Variants in SDC3 observed in about 807,000 individuals in gnomAD.
The protein encoded by SDC3 is syndecan 3.
In SDC3, 13 loss-of-function variants were observed where a neutral mutation model predicts 24.4. The observed-to-expected ratio is 0.53, with a 90% CI of 0.35 to 0.85. The LOEUF (loss-of-function observed/expected upper bound fraction) is 0.85, where lower values mean the gene tolerates loss of function less well. Ranked by LOEUF, SDC3 falls within the 40% of genes least tolerant of loss-of-function variation. The probability of loss-of-function intolerance (pLI) is 0.01; values close to 1 mark genes in which losing one functional copy is unlikely to be tolerated. For missense variants in SDC3, 571 were observed against 584.5 expected (o/e 0.98, Z 0.24); for synonymous variants, 295 against 260.9 (o/e 1.13, Z -1.26).
intron 1 of SDC3, among the ~76,000 whole-genome samples, chr1:30,892,235 G>A (rs560926802): frequency 1.7e-4 from 26 of 152,166 alleles, no homozygotes; most frequent in East Asian, 5.8e-4. Flanking sequence ...TCACCTGAAC[G>A]TGGCTTCCCT....
At chr1:30,873,754 G>C (rs1368903717) in intron 4 of SDC3, among the ~76,000 whole-genome samples, 1 of 152,144 alleles carries the variant, frequency 6.6e-6, no homozygotes, top group Non-Finnish European at 1.5e-5. Flanking sequence ...CATGTGAACA[G>C]ATGTGCCTCT....
chr1:30,891,613 C>G (rs971455132), intron 1 of SDC3, among the ~76,000 whole-genome samples: 1 of 152,130 alleles, frequency 6.6e-6, no homozygotes, highest in Admixed American at 6.5e-5. Context: ...AGCAGTGGCT[C>G]ACACCTGTAA....
At chr1:30,903,875 T>TGTGACTTACTCAAAGTCACACA (rs1225851575) in intron 1 of SDC3, among the ~76,000 whole-genome samples, 7 of 152,136 alleles carry the variant, frequency 4.6e-5, no homozygotes, top group Non-Finnish European at 1.0e-4. Context: ...CTTCTGGCTG[T>TGTGACTTACTCAAAGTCACACA]GTGACTTTGA....
At position 30,878,612 on chromosome 1, in the gene SDC3, G is replaced by C. The variant is rs184949255; in HGVS notation, c.256+11C>G. On this transcript the variant is annotated intron_variant, in intron 2 of 4. Transcript: ENST00000339394. ...CTGCCCCCAGGCAGAGGTAGGGAGG[G>C]GGGTACTTACAGCCCGAGCCCGACC... The C allele has an allele frequency of 1.2e-3, 1,995 of 1,603,196 alleles. 22 individuals are homozygous for C. In the African/African-American group the frequency reaches 0.023, roughly 18 times the overall value.
Position 30,907,856 on chromosome 1 carries a change from C to T in SDC3, c.138+593G>A, listed in dbSNP as rs12070724. Among the ~76,000 whole-genome samples, 637 of 152,326 alleles carry T rather than the reference C, an allele frequency of 4.2e-3. 4 individuals carry two copies. The highest frequency in any genetic ancestry group is 0.015 in the African/African-American group (612 of 41,582). On this transcript the variant is annotated intron_variant, in intron 1 of 4. Transcript: ENST00000339394. ...CCCTTCCCGGGCCCACTGCCCTGGC[C>T]GGCTGCCGCGACCCTGGGAAGAACC...
At chr1:30,887,981 C>T (rs1319454836) in intron 1 of SDC3, among the ~76,000 whole-genome samples, 1 of 152,254 alleles carries the variant, frequency 6.6e-6, no homozygotes, top group Non-Finnish European at 1.5e-5. Context: ...GAGAAACAGA[C>T]ACTGATCCCA....
Position 30,878,701 on chromosome 1 carries a change from C to T in SDC3, c.178G>A (p.Asp60Asn). The T allele has an allele frequency of 1.2e-6, 2 of 1,614,206 alleles. No homozygotes were observed. Among genetic ancestry groups the T allele is most frequent in the Non-Finnish European group, 8.5e-7 (1 of 1,180,008 alleles). The change falls in exon 2 of 5, where the codon GAC becomes AAC. Residue 60 changes from aspartate (D) to asparagine (N), a missense_variant. By Grantham distance (23) the Asp-to-Asn change is conservative. Coordinates refer to ENST00000339394, the MANE Select transcript of SDC3 (RefSeq NM_014654.4). ...TCATCATCCCCAGAGCCCTCCAGGT[C>T]CACGGGTCTCTCGAAGTTCTCACTG... ...WRSENFERPV[D>N]LEGSGDDDSF...
Position 30,873,001 on chromosome 1 carries a change from G to A in SDC3, c.*210C>T, listed in dbSNP as rs74331654. On this transcript the variant is annotated 3_prime_UTR_variant, in exon 5 of 5. Transcript: ENST00000339394. ...GATGAGGGGAACAAGAGATGAGCTC[G>A]TAAGGGCACAGTCTGGGGCAGATGG... 9.5e-4 allele frequency: 543 copies of A among 571,410 alleles called. 2 individuals carry two copies. Among genetic ancestry groups the A allele is most frequent in the African/African-American group, 9.1e-3 (486 of 53,512 alleles). The allele number at this position is 571,410 out of a possible 1,614,324, so 35.4% of individuals were successfully genotyped here.
chr1:30,878,925 T>G lies in SDC3; in HGVS notation c.139-185A>C. 3 of 566,770 alleles carry G rather than the reference T, an allele frequency of 5.3e-6. No homozygotes were observed. In the South Asian group the frequency reaches 6.9e-5, roughly 13 times the overall value. The allele number at this position is 566,770 out of a possible 1,614,324, so 35.1% of individuals were successfully genotyped here. On this transcript the variant is annotated intron_variant, in intron 1 of 4. Transcript: ENST00000339394. ...CAGGGCAGGGGTGGGGTGTGGCAAGTCACCTGGGGTCCCATCCCAGAAGGC... is the reference window on the plus strand; with the variant it reads ...CAGGGCAGGGGTGGGGTGTGGCAAGGCACCTGGGGTCCCATCCCAGAAGGC...
rs535405952 is a variant in SDC3 at position 30,899,067 on chromosome 1, C to T, written c.138+9382G>A. Among the ~76,000 whole-genome samples, 144 of 152,186 alleles carry T rather than the reference C, an allele frequency of 9.5e-4. 1 individual carries two copies. The highest frequency in any genetic ancestry group is 1.6e-3 in the Non-Finnish European group (108 of 68,028). On this transcript the variant is annotated intron_variant, in intron 1 of 4. Transcript: ENST00000339394. ...TAAGGCTGAGTCAAGAGTCACTTAG[C>T]CAAATCCACCCACTTCTTCGTTTCG...
chr1:30,894,679 TGTGA>T (rs1413284880), intron 1 of SDC3, among the ~76,000 whole-genome samples: 1 of 48,862 alleles, frequency 2.0e-5, no homozygotes. Flanking sequence ...TGTGGATGAC[TGTGA>T]GTGTGTGGGT....
At chr1:30,873,441 C>T in intron 4 of SDC3, 64 bp from the exon 5 acceptor site, 2 of 1,295,686 alleles carry the variant, frequency 1.5e-6, no homozygotes, top group Non-Finnish European at 2.2e-6. Context: ...AAAGGGTCCT[C>T]AGGGGTGGGG....
intron 1 of SDC3, among the ~76,000 whole-genome samples, chr1:30,907,857 G>A (rs1429438705): frequency 1.3e-5 from 2 of 152,130 alleles, no homozygotes; most frequent in Non-Finnish European, 2.9e-5. Context: ...TGCCCTGGCC[G>A]GCTGCCGCGA....
At chr1:30,902,474 A>T (rs1638435966) in intron 1 of SDC3, among the ~76,000 whole-genome samples, 1 of 152,186 alleles carries the variant, frequency 6.6e-6, no homozygotes, top group African/African-American at 2.4e-5. Context: ...TGCCATCAAC[A>T]AATATTTACC....
chr1:30,892,453 A>G (rs1222862256), intron 1 of SDC3, among the ~76,000 whole-genome samples: 1 of 152,062 alleles, frequency 6.6e-6, no homozygotes, highest in Non-Finnish European at 1.5e-5. Flanking sequence ...GAATGAATGA[A>G]TGAATGAATG....
At chr1:30,905,549 A>G (rs955760485) in intron 1 of SDC3, among the ~76,000 whole-genome samples, 3 of 151,870 alleles carry the variant, frequency 2.0e-5, no homozygotes, top group Non-Finnish European at 4.4e-5. Context: ...CATTGTCTCC[A>G]TTTTAAAGAG....
chr1:30,890,903 G>A (rs1639895142), intron 1 of SDC3, among the ~76,000 whole-genome samples: 1 of 152,216 alleles, frequency 6.6e-6, no homozygotes, highest in South Asian at 2.1e-4. Flanking sequence ...CAGACCACAA[G>A]TGGGAGGCCC....
At chr1:30,877,202 T>C in intron 2 of SDC3, 37 bp from the exon 3 acceptor site, 1 of 1,612,686 alleles carries the variant, frequency 6.2e-7, no homozygotes, top group Non-Finnish European at 8.5e-7. Flanking sequence ...GCTAGGGAGC[T>C]GGGTGGTTGT....
chr1:30,886,049 C>G (rs1639822921), intron 1 of SDC3, among the ~76,000 whole-genome samples: 1 of 152,152 alleles, frequency 6.6e-6, no homozygotes, highest in Non-Finnish European at 1.5e-5. Context: ...TGCCTGAGAG[C>G]AGGACCACCC....
Sources: allele counts gnomAD v4.1 joint callset (sites outside exome capture counted in the v4.1 genomes callset), GRCh38; gene constraint gnomAD v4.1.1; transcripts MANE v1.5; gene names NCBI Gene and HGNC (gene_info 2026-07-23, HGNC 2026-07-21).